NKAIN3: variants seen among roughly 807,000 people sequenced by gnomAD.
NKAIN3 encodes sodium/potassium-transporting ATPase subunit beta-1-interacting protein 3.
NKAIN3 carries 25 observed loss-of-function variants against 30.2 expected under a neutral mutation model. The observed-to-expected ratio is 0.83, with a 90% confidence interval of 0.60 to 1.16. The LOEUF is 1.16. NKAIN3 is among the 50% of genes most tolerant of loss of function. The pLI is 0.00. For synonymous variants in NKAIN3, 91 were observed against 89.6 expected (o/e 1.02, Z -0.09); for missense variants, 225 against 254.1 (o/e 0.89, Z 0.78).
Position 62,508,202 on chromosome 8 carries a change from C to G in NKAIN3, c.55-71337C>G, listed in dbSNP as rs149720318. Reference sequence around the variant, plus strand: ...GAGTGGTGAACCCTCCCTGCAAATGCAGAGGAAGCACAAGGAAGAGGAAGG... The same window carrying G: ...GAGTGGTGAACCCTCCCTGCAAATGGAGAGGAAGCACAAGGAAGAGGAAGG... On this transcript the variant is annotated intron_variant, in intron 1 of 6. Transcript: ENST00000623646. Among the ~76,000 whole-genome samples the G allele has an allele frequency of 3.6e-4, 55 of 152,302 alleles. 1 individual carries two copies. In the East Asian group the frequency reaches 8.5e-3, roughly 24 times the overall value.
intron 4 of NKAIN3, among the ~76,000 whole-genome samples, chr8:62,877,599 T>G (rs1820839215): frequency 6.6e-6 from 1 of 152,218 alleles, no homozygotes; most frequent in African/African-American, 2.4e-5. Context: ...ATTTCCTGGT[T>G]GAAATTTGTA....
chr8:62,987,879 A>C (rs1381193095), downstream of NKAIN3, among the ~76,000 whole-genome samples: 1 of 152,216 alleles, frequency 6.6e-6, no homozygotes, highest in Non-Finnish European at 1.5e-5. Flanking sequence ...CATCTGAGAC[A>C]AGGCAAATCC....
At chr8:62,271,740 T>C (rs550625559) in intron 1 of NKAIN3, among the ~76,000 whole-genome samples, 4 of 152,316 alleles carry the variant, frequency 2.6e-5, no homozygotes, top group Non-Finnish European at 5.9e-5. Flanking sequence ...CTACAGTCAC[T>C]TTTGTCAGTG....
chr8:62,588,373 A>G (rs1274162014), intron 2 of NKAIN3, among the ~76,000 whole-genome samples: 3 of 151,800 alleles, frequency 2.0e-5, no homozygotes, highest in East Asian at 3.9e-4. Context: ...CTAAATTTCC[A>G]GTGATTTTTG....
At chr8:62,874,815 C>A (rs1455952353) in intron 4 of NKAIN3, among the ~76,000 whole-genome samples, 3 of 152,128 alleles carry the variant, frequency 2.0e-5, no homozygotes, top group Admixed American at 1.3e-4. Context: ...TGGAATATAT[C>A]TCAAAATAAT....
chr8:62,708,829 TC>T (rs1167328673), intron 3 of NKAIN3, among the ~76,000 whole-genome samples: 1 of 152,110 alleles, frequency 6.6e-6, no homozygotes, highest in African/African-American at 2.4e-5. Context: ...TTCAACTTTT[TC>T]CCATTCAGTA....
intron 4 of NKAIN3, among the ~76,000 whole-genome samples, chr8:62,902,485 G>T (rs1218440014): frequency 6.6e-6 from 1 of 152,138 alleles, no homozygotes; most frequent in Non-Finnish European, 1.5e-5. Flanking sequence ...AGGCATGGAG[G>T]AGGCAGAGCT....
intron 1 of NKAIN3, among the ~76,000 whole-genome samples, chr8:62,321,782 C>T (rs1814923684): frequency 6.6e-6 from 1 of 152,178 alleles, no homozygotes; most frequent in African/African-American, 2.4e-5. Flanking sequence ...GATCAGGGAC[C>T]CACTTGAGGA....
At chr8:62,432,135 A>G (rs1805022313) in intron 1 of NKAIN3, among the ~76,000 whole-genome samples, 1 of 151,862 alleles carries the variant, frequency 6.6e-6, no homozygotes, top group African/African-American at 2.4e-5. Context: ...ATCACTCAAA[A>G]TAATCTATAA....
chr8:62,582,986 G>A (rs565161984), intron 2 of NKAIN3, among the ~76,000 whole-genome samples: 209 of 152,210 alleles, frequency 1.4e-3, no homozygotes, highest in African/African-American at 4.7e-3. Context: ...TTTGTGTCCC[G>A]GTCTAGCAAT....
intron 1 of NKAIN3, among the ~76,000 whole-genome samples, chr8:62,367,174 G>A (rs1816762805): frequency 6.6e-6 from 1 of 152,088 alleles, no homozygotes; most frequent in African/African-American, 2.4e-5. Context: ...TGCTGCTATT[G>A]AATGGAATGT....
chr8:62,624,860 A>G (rs555664315), intron 3 of NKAIN3, among the ~76,000 whole-genome samples: 121 of 151,264 alleles, frequency 8.0e-4, no homozygotes, highest in African/African-American at 1.9e-3. Flanking sequence ...TCAAACTCAG[A>G]GATTATTTTC....
chr8:62,560,340 C>G (rs2129974131), intron 1 of NKAIN3, among the ~76,000 whole-genome samples: 1 of 151,904 alleles, frequency 6.6e-6, no homozygotes, highest in East Asian at 1.9e-4. Context: ...CCATTATTTC[C>G]TCAGGTATTT....
intron 1 of NKAIN3, among the ~76,000 whole-genome samples, chr8:62,410,538 T>C (rs1371554627): frequency 1.3e-5 from 2 of 152,036 alleles, no homozygotes; most frequent in Non-Finnish European, 2.9e-5. Flanking sequence ...GACGTAAGAA[T>C]TGATACAAAA....
rs149494982 is a variant in NKAIN3 at position 62,524,664 on chromosome 8, T to G, written c.55-54875T>G. 5.3e-3 allele frequency among the ~76,000 whole-genome samples: 810 copies of G among 152,292 alleles called. 5 individuals are homozygous for G. Among genetic ancestry groups the G allele is most frequent in the Middle Eastern group, 0.014 (4 of 294 alleles). On this transcript the variant is annotated intron_variant, in intron 1 of 6. Coordinates refer to ENST00000623646, the MANE Select transcript of NKAIN3 (RefSeq NM_001304533.3). ...TTGAAATCTCTAGGCACACCCATCC[T>G]TCTGAGGTAGCTACTTACAACATTT...
chr8:62,598,757 A>C (rs985946402), intron 3 of NKAIN3, among the ~76,000 whole-genome samples: 1 of 152,026 alleles, frequency 6.6e-6, no homozygotes, highest in Non-Finnish European at 1.5e-5. Context: ...GAGAAGTAGG[A>C]GGCAGGAGGA....
At chr8:62,546,384 G>A (rs538207268) in intron 1 of NKAIN3, among the ~76,000 whole-genome samples, 26 of 152,294 alleles carry the variant, frequency 1.7e-4, no homozygotes, top group Admixed American at 1.4e-3. Flanking sequence ...GAGTTGCTAT[G>A]GCTGTTGCAT....
intron 4 of NKAIN3, among the ~76,000 whole-genome samples, chr8:62,905,277 A>G (rs1219087767): frequency 6.6e-6 from 1 of 152,052 alleles, no homozygotes; most frequent in African/African-American, 2.4e-5. Context: ...GGCAGAGGAG[A>G]GTGGAAGATA....
At chr8:62,633,631 G>A (rs950519420) in intron 3 of NKAIN3, among the ~76,000 whole-genome samples, 4 of 152,090 alleles carry the variant, frequency 2.6e-5, no homozygotes, top group South Asian at 2.1e-4. Flanking sequence ...TGGTGAAGTC[G>A]TGCCCACAAC....
Sources: allele counts gnomAD v4.1 joint callset (sites outside exome capture counted in the v4.1 genomes callset), GRCh38; gene constraint gnomAD v4.1.1; transcripts MANE v1.5; gene names NCBI Gene and HGNC (gene_info 2026-07-23, HGNC 2026-07-21).